Variants in CAAP1 observed in about 807,000 individuals in gnomAD.
CAAP1 encodes conserved anti-apoptotic protein.
CAAP1 carries 20 observed loss-of-function variants against 34.0 expected under a neutral mutation model. The observed-to-expected ratio is 0.59, with a 90% CI of 0.41 to 0.86. The LOEUF (loss-of-function observed/expected upper bound fraction) is 0.86, where lower values mean the gene tolerates loss of function less well. CAAP1 is among the 40% of genes least tolerant of loss of function. CAAP1 has a pLI of 0.00. For missense variants in CAAP1, 538 were observed against 450.5 expected, an observed-to-expected ratio of 1.19 and a Z score of -1.76; for synonymous variants, 213 against 166.7, an observed-to-expected ratio of 1.28 and a Z score of -2.14.
chr9:26,843,452 T>C (rs1822525391), intron 5 of CAAP1, among the ~76,000 whole-genome samples: 4 of 152,146 alleles, frequency 2.6e-5, no homozygotes, highest in Admixed American at 2.6e-4. Context: ...TTGAATATGT[T>C]TTTTGTGTGT....
intron 4 of CAAP1, among the ~76,000 whole-genome samples, chr9:26,868,470 G>A (rs1362117950): frequency 2.6e-5 from 4 of 152,140 alleles, no homozygotes; most frequent in African/African-American, 9.7e-5. Context: ...TCCCCTCAGA[G>A]CTTCCAGAAA....
At chr9:26,881,361 A>G (rs1413313019) in intron 4 of CAAP1, among the ~76,000 whole-genome samples, 1 of 152,210 alleles carries the variant, frequency 6.6e-6, no homozygotes, top group Non-Finnish European at 1.5e-5. Context: ...CCCAAGTTTC[A>G]ACTTGAATTG....
chr9:26,862,917 G>A (rs1305933232), intron 4 of CAAP1, among the ~76,000 whole-genome samples: 2 of 151,776 alleles, frequency 1.3e-5, no homozygotes, highest in Non-Finnish European at 2.9e-5. Flanking sequence ...AGCCTCAAAT[G>A]TTTCATTAAA....
intron 4 of CAAP1, among the ~76,000 whole-genome samples, chr9:26,868,494 T>C (rs920770835): frequency 6.6e-6 from 1 of 152,170 alleles, no homozygotes; most frequent in Admixed American, 6.6e-5. Flanking sequence ...CCAGCCCTGC[T>C]GACACCTTGA....
chr9:26,862,610 T>C (rs1416167644), intron 4 of CAAP1, among the ~76,000 whole-genome samples: 1 of 152,088 alleles, frequency 6.6e-6, no homozygotes, highest in African/African-American at 2.4e-5. Context: ...TTGAATGTCA[T>C]TGTTATAAAA....
At chr9:26,864,312 AGAACCACATATAT>A (rs763729555) in intron 4 of CAAP1, among the ~76,000 whole-genome samples, 1 of 152,176 alleles carries the variant, frequency 6.6e-6, no homozygotes, top group Non-Finnish European at 1.5e-5. Context: ...AACTTAATAA[AGAACCACATATAT>A]GAACCCCTAA....
intron 4 of CAAP1, among the ~76,000 whole-genome samples, chr9:26,875,243 A>C (rs1056877982): frequency 7.2e-5 from 11 of 152,092 alleles, no homozygotes; most frequent in African/African-American, 2.7e-4. Context: ...AAAATTAGCC[A>C]GGCGTGGTGG....
In CAAP1 at chr9:26,892,426, C is replaced by A; in HGVS notation, c.290G>T (p.Gly97Val). The change falls in exon 1 of 6, where the codon GGC (glycine) becomes GTC (valine). Residue 97 changes from glycine (G) to valine (V), a missense_variant. Gly to Val is a moderately radical substitution (Grantham distance 109, BLOSUM62 -3). Coordinates refer to ENST00000333916, the MANE Select transcript of CAAP1 (RefSeq NM_024828.4). The stretch of plus-strand genomic sequence containing the variant: ...GCGCGCACGCACCTGCTGCAAGGAG[C>A]CCGAGACGCTGGAAGAGTCGGTACT... ...RRSTDSSSVS[G>V]SLQQETKYIL... 6.2e-7 allele frequency: 1 copy of A among 1,604,002 alleles called. No individual in the cohort carries two copies. Among genetic ancestry groups the A allele is most frequent in the Non-Finnish European group, 8.5e-7 (1 of 1,177,438 alleles).
chr9:26,887,004 A>C (rs1299611686), intron 2 of CAAP1, among the ~76,000 whole-genome samples: 1 of 152,182 alleles, frequency 6.6e-6, no homozygotes, highest in East Asian at 1.9e-4. Flanking sequence ...TCACGAGGTC[A>C]GGAGTTCGAG....
chr9:26,864,258 A>G (rs1440131693), intron 4 of CAAP1, among the ~76,000 whole-genome samples: 2 of 152,146 alleles, frequency 1.3e-5, no homozygotes, highest in African/African-American at 4.8e-5. Flanking sequence ...TTATAGTTCA[A>G]TGATTTTTTT....
chr9:26,845,906 T>A (rs1822589373), intron 5 of CAAP1, among the ~76,000 whole-genome samples: 1 of 152,180 alleles, frequency 6.6e-6, no homozygotes, highest in African/African-American at 2.4e-5. Flanking sequence ...GGTTTGGTTT[T>A]TTTGAGCAGT....
At chr9:26,888,954 C>G (rs1823829761) in intron 1 of CAAP1, among the ~76,000 whole-genome samples, 1 of 152,084 alleles carries the variant, frequency 6.6e-6, no homozygotes, top group South Asian at 2.1e-4. Flanking sequence ...GTATAGTAAC[C>G]ATAAAAAGGC....
At chr9:26,879,069 ACT>A in intron 4 of CAAP1, among the ~76,000 whole-genome samples, 1 of 152,284 alleles carries the variant, frequency 6.6e-6, no homozygotes, top group East Asian at 1.9e-4. Flanking sequence ...AGAAATGTAC[ACT>A]GATTCTTTGA....
chr9:26,872,318 G>A (rs1358966862), intron 4 of CAAP1, among the ~76,000 whole-genome samples: 1 of 152,070 alleles, frequency 6.6e-6, no homozygotes, highest in East Asian at 1.9e-4. Context: ...GGTGGAATAA[G>A]TTGCAGACTA....
At position 26,841,175 on chromosome 9, in the gene CAAP1, A is replaced by C. The variant is rs1822470547; in HGVS notation, c.*1126T>G. On this transcript the variant is annotated 3_prime_UTR_variant, in exon 6 of 6. Transcript: ENST00000333916. Reference sequence around the variant, plus strand: ...TTATATATAAGGAAAGTCCTCATACAGTATCAGTAGACCATGGCTTATAAA... The same window carrying C: ...TTATATATAAGGAAAGTCCTCATACCGTATCAGTAGACCATGGCTTATAAA... 1 of 152,228 alleles carries C rather than the reference A, an allele frequency of 6.6e-6. No individual in the cohort carries two copies. The highest frequency in any genetic ancestry group is 1.5e-5 in the Non-Finnish European group (1 of 68,000). The allele number at this position is 152,228 out of a possible 1,614,324, so 9.4% of individuals were successfully genotyped here. A position where few individuals can be genotyped will look rare whatever the true frequency, so the allele number is the denominator to read the frequency against.
intron 4 of CAAP1, among the ~76,000 whole-genome samples, chr9:26,875,646 CAG>C (rs35582945): frequency 0.043 from 6,483 of 152,180 alleles, 470 homozygotes; most frequent in African/African-American, 0.15. Flanking sequence ...CCCCTTCAAT[CAG>C]AGTCTCATTT....
At chr9:26,875,559 T>C (rs1407048192) in intron 4 of CAAP1, among the ~76,000 whole-genome samples, 1 of 152,248 alleles carries the variant, frequency 6.6e-6, no homozygotes, top group Non-Finnish European at 1.5e-5. Flanking sequence ...TTAAAAAAGC[T>C]GTATGTCTCA....
chr9:26,859,447 A>G (rs988401002), intron 5 of CAAP1, among the ~76,000 whole-genome samples: 3 of 152,332 alleles, frequency 2.0e-5, no homozygotes, highest in Admixed American at 6.5e-5. Context: ...GGAACTGGAA[A>G]TCAACCTGCC....
At chr9:26,881,251 G>A (rs1436852171) in intron 4 of CAAP1, among the ~76,000 whole-genome samples, 1 of 152,178 alleles carries the variant, frequency 6.6e-6, no homozygotes, top group Non-Finnish European at 1.5e-5. Context: ...TGGTATTACA[G>A]GTGTGAACCA....
Sources: allele counts gnomAD v4.1 joint callset (sites outside exome capture counted in the v4.1 genomes callset), GRCh38; gene constraint gnomAD v4.1.1; transcripts MANE v1.5; gene names NCBI Gene and HGNC (gene_info 2026-07-23, HGNC 2026-07-21).